Variants in ZFP28 observed in about 807,000 individuals in gnomAD.
ZFP28 encodes the protein ZFP28 zinc finger protein.
A neutral mutation model predicts 39.5 loss-of-function variants in ZFP28; 31 were observed. That is an observed-to-expected ratio of 0.79 (90% confidence interval 0.59 to 1.06). The LOEUF is 1.06. ZFP28 is among the 50% of genes least tolerant of loss of function. The pLI, the probability that ZFP28 is intolerant of heterozygous loss-of-function variation, is 0.00. For synonymous variants in ZFP28, 400 were observed against 378.6 expected, an observed-to-expected ratio of 1.06 and a Z score of -0.66; for missense variants, 925 against 1,048.4, an observed-to-expected ratio of 0.88 and a Z score of 1.63.
chr19:56,540,487 A>C (rs1332793785), intron 2 of ZFP28, among the ~76,000 whole-genome samples: 1 of 152,222 alleles, frequency 6.6e-6, no homozygotes, highest in East Asian at 1.9e-4. Context: ...GCCTCAAAAA[A>C]TATATGTACA....
Position 56,554,104 on chromosome 19 carries a change from G to C in ZFP28, c.1319G>C (p.Arg440Thr). The C allele has an allele frequency of 3.7e-6, 6 of 1,614,198 alleles. No homozygotes were observed. The highest frequency in any genetic ancestry group is 3.4e-6 in the Non-Finnish European group (4 of 1,180,028). ...AGCTCATCTCTTACTGTTCATCAGA[G>C]AATTCACACTGGAGAGAAACCTTAT... ...TQSSSLTVHQ[R>T]IHTGEKPYKC... is the part of the protein sequence containing the mutation. The change falls in exon 8 of 8, where the codon AGA becomes ACA. Residue 440 changes from arginine to threonine, a missense_variant. Coordinates refer to ENST00000301318, the MANE Select transcript of ZFP28 (RefSeq NM_020828.2). This position sits in a 1 kb window ranked among gnomAD's most constrained non-coding sequence, Gnocchi z 6.7.
At position 56,555,268 on chromosome 19, in the gene ZFP28, TAGCTC is replaced by T; in HGVS notation, c.2485_2489del (p.Ala829SerfsTer53). On this transcript the variant is annotated frameshift_variant, in exon 8 of 8. Transcript: ENST00000301318. LOFTEE classifies it low-confidence loss of function (END_TRUNC). ...AAAGTCTTCAGGCAAACTGCTCACT[TAGCTC>T]ATCATCAGCGAATTCATACTGGAGA... 1 of 1,614,180 alleles carries T rather than the reference TAGCTC, an allele frequency of 6.2e-7. No homozygotes were observed. The highest frequency in any genetic ancestry group is 8.5e-7 in the Non-Finnish European group (1 of 1,180,032).
At chr19:56,550,747 G>T in intron 7 of ZFP28, 142 bp downstream of exon 7, 3 of 1,544,366 alleles carry the variant, frequency 1.9e-6, no homozygotes, top group Non-Finnish European at 2.6e-6. Flanking sequence ...AACTCTGGGA[G>T]TTCCAAATAA....
chr19:56,551,007 G>A lies in ZFP28; in HGVS notation c.898+402G>A. 5 of 1,278,808 alleles carry A rather than the reference G, an allele frequency of 3.9e-6. No homozygotes were observed. In the South Asian group the frequency reaches 8.4e-5, roughly 21 times the overall value. 79.2% of individuals were successfully genotyped at this position (1,278,808 alleles called of 1,614,324 possible). A position where few individuals can be genotyped will look rare whatever the true frequency, so the allele number is the denominator to read the frequency against. ...TTATGGGATTGAGCCACTCTGCTGA[G>A]TATTGGCAGGCGATTGGAAAAAGGG... On this transcript the variant is annotated intron_variant, in intron 7 of 7. Transcript: ENST00000301318.
rs1348855544 is a variant in ZFP28, at chr19:56,547,800, T to C, written c.428-7T>C. The stretch of plus-strand genomic sequence containing the variant: ...CAGTATGACCAGGTTGTTTTTTATG[T>C]GTCTAGGACTTTGTGTTTCTAAGCC... On this transcript the variant is annotated splice_polypyrimidine_tract_variant and splice_region_variant and intron_variant, in intron 3 of 7. Transcript: ENST00000301318. The surrounding 1 kb of genome is among the most constrained non-coding windows in gnomAD (Gnocchi z 4.6). 1 of 1,613,872 alleles carries C rather than the reference T, an allele frequency of 6.2e-7. No homozygotes were observed. Among genetic ancestry groups the C allele is most frequent in the Admixed American group, 1.7e-5 (1 of 59,992 alleles).
Position 56,554,871 on chromosome 19 carries a change from A to G in ZFP28, c.2086A>G (p.Thr696Ala), listed in dbSNP as rs772008382. The change falls in exon 8 of 8, where the codon ACT becomes GCT. Residue 696 changes from threonine (T) to alanine (A), a missense_variant. Physicochemically the swap from Thr to Ala is moderately conservative, Grantham distance 58. Transcript: ENST00000301318. This position sits in a 1 kb window ranked among gnomAD's most constrained non-coding sequence, Gnocchi z 6.7. Reference protein sequence around the residue: ...THLIQHQRVHTGEKPYKCMEC... With the variant: ...THLIQHQRVHAGEKPYKCMEC... ...CCTCATTCAACATCAGAGAGTTCACACTGGTGAGAAACCCTATAAATGTAT... is the reference window on the plus strand; with the variant it reads ...CCTCATTCAACATCAGAGAGTTCACGCTGGTGAGAAACCCTATAAATGTAT... The G allele has an allele frequency of 6.2e-7, 1 of 1,614,200 alleles. No individual in the cohort carries two copies.
At chr19:56,551,159 A>T in intron 7 of ZFP28, 1 of 995,854 alleles carries the variant, frequency 1.0e-6, no homozygotes, top group Non-Finnish European at 1.2e-6. Flanking sequence ...GACAAAGGAG[A>T]TGTTGTTCCC....
rs77309174 is a variant in ZFP28 at position 56,554,802 on chromosome 19, T to C, written c.2017T>C (p.Tyr673His). The C allele has an allele frequency of 1.2e-4, 192 of 1,614,068 alleles. 3 individuals are homozygous for C. The South Asian group carries it at 1.7e-3, about 14-fold the overall frequency. Residue 673 changes from tyrosine to histidine, a missense_variant, in exon 8 of 8, where the codon TAT (tyrosine) becomes CAT (histidine). Coordinates refer to ENST00000301318, the MANE Select transcript of ZFP28 (RefSeq NM_020828.2). The surrounding 1 kb of genome is among the most constrained non-coding windows in gnomAD (Gnocchi z 6.7). ...HQKTHTGEKP[Y>H]ECKECGKAFS... ...GAAAACCCATACAGGAGAGAAACCA[T>C]ATGAGTGCAAGGAATGCGGTAAAGC...
chr19:56,545,438 G>A (rs527316306), intron 2 of ZFP28: 1 of 152,316 alleles, frequency 6.6e-6, no homozygotes, highest in Admixed American at 6.5e-5. Context: ...ACCTCAAAGG[G>A]ACTTTTGTTT....
At chr19:56,550,813 C>A in intron 7 of ZFP28, 1 of 1,498,406 alleles carries the variant, frequency 6.7e-7, no homozygotes, top group South Asian at 1.3e-5. Flanking sequence ...CCCTGAAGTT[C>A]CTTCTTTTCT....
Position 56,555,638 on chromosome 19 carries a change from T to C in ZFP28, c.*246T>C, listed in dbSNP as rs1375356327. 3 of 478,236 alleles carry C rather than the reference T, an allele frequency of 6.3e-6. No individual in the cohort carries two copies. Among genetic ancestry groups the C allele is most frequent in the African/African-American group, 4.0e-5 (2 of 49,938 alleles). 29.6% of individuals were successfully genotyped at this position (478,236 alleles called of 1,614,324 possible). A position where few individuals can be genotyped will look rare whatever the true frequency, so the allele number is the denominator to read the frequency against. The stretch of plus-strand genomic sequence containing the variant: ...GTTTTAAAAACTTTGTATTTGAACA[T>C]TGAAAAGTTACAGTAGTCAGCTCTG... On this transcript the variant is annotated 3_prime_UTR_variant, in exon 8 of 8. Transcript: ENST00000301318.
intron 4 of ZFP28, among the ~76,000 whole-genome samples, chr19:56,548,167 T>G (rs148383257): frequency 6.6e-6 from 1 of 152,230 alleles, no homozygotes; most frequent in African/African-American, 2.4e-5. Context: ...TTGGGAATCT[T>G]ACAAGGTTTC....
intron 4 of ZFP28, among the ~76,000 whole-genome samples, chr19:56,548,672 C>T (rs1215242856): frequency 1.3e-5 from 2 of 152,050 alleles, no homozygotes; most frequent in East Asian, 3.9e-4. Context: ...TTGCTTTTTC[C>T]AGTCTTCTGC....
At chr19:56,539,480 GA>G in intron 1 of ZFP28, 144 bp from the exon 2 acceptor site, 3 of 767,950 alleles carry the variant, frequency 3.9e-6, no homozygotes, top group Non-Finnish European at 6.2e-6. Flanking sequence ...TCCCAGGGAG[GA>G]AAAAAACCTA....
rs1264752307 is a variant in ZFP28, at chr19:56,547,500, C to T, written c.301-8C>T. 6.2e-7 allele frequency: 1 copy of T among 1,614,048 alleles called. No individual in the cohort carries two copies. The highest frequency in any genetic ancestry group is 8.5e-7 in the Non-Finnish European group (1 of 1,180,022). On this transcript the variant is annotated splice_region_variant and splice_polypyrimidine_tract_variant and intron_variant, in intron 2 of 7. Transcript: ENST00000301318. The surrounding 1 kb of genome is among the most constrained non-coding windows in gnomAD (Gnocchi z 4.6). ...TGGTTGAGCAAGAACATGGTTATAT[C>T]ATTTCAGGGCTTGGTGACATTTGGG...
chr19:56,551,737 T>G (rs959672474), intron 7 of ZFP28: 2 of 984,142 alleles, frequency 2.0e-6, no homozygotes, highest in Non-Finnish European at 2.4e-6. Context: ...AATTATTCTT[T>G]TTTTATGAAA....
At chr19:56,552,797 ATTAT>A (rs2044316579) in intron 7 of ZFP28, 1 of 152,148 alleles carries the variant, frequency 6.6e-6, no homozygotes, top group African/African-American at 2.4e-5. Flanking sequence ...CTGTAACTTA[ATTAT>A]TTCTCTCTCC....
chr19:56,547,974 C>A lies in ZFP28; in HGVS notation c.523+72C>A. 7.2e-7 allele frequency: 1 copy of A among 1,388,312 alleles called. No individual in the cohort carries two copies. The highest frequency in any genetic ancestry group is 1.4e-5 in the African/African-American group (1 of 70,138). The allele number at this position is 1,388,312 out of a possible 1,614,324, so 86.0% of individuals were successfully genotyped here. The stretch of plus-strand genomic sequence containing the variant: ...TTCAGCTGACTCAGACACGCAACAT[C>A]TTCAGCAGACTCTTCCTAAGCCTCT... On this transcript the variant is annotated intron_variant, in intron 4 of 7. Coordinates refer to ENST00000301318, the MANE Select transcript of ZFP28 (RefSeq NM_020828.2). The surrounding 1 kb of genome is among the most constrained non-coding windows in gnomAD (Gnocchi z 4.6).
At position 56,547,826 on chromosome 19, in the gene ZFP28, C is replaced by T. The variant is rs762488738; in HGVS notation, c.447C>T (p.Pro149=). 26 of 1,613,846 alleles carry T rather than the reference C, an allele frequency of 1.6e-5. No homozygotes were observed. The highest frequency in any genetic ancestry group is 4.5e-5 in the East Asian group (2 of 44,870). ...GTCTAGGACTTTGTGTTTCTAAGCC[C>T]GATGTGATCTCCTCGTTGGAACAAG... ...LASLGLCVSK[P]DVISSLEQGK... The change falls in exon 4 of 8, where the codon CCC becomes CCT. Residue 149 remains proline (P), a synonymous_variant. Coordinates refer to ENST00000301318, the MANE Select transcript of ZFP28 (RefSeq NM_020828.2). The surrounding 1 kb of genome is among the most constrained non-coding windows in gnomAD (Gnocchi z 4.6).
Sources: gnomAD v4.1 joint callset for allele counts (sites outside exome capture counted in the v4.1 genomes callset) on GRCh38, gnomAD v4.1.1 for gene constraint, Gnocchi (gnomAD v3.1) non-coding constraint, MANE v1.5 for transcripts, NCBI Gene and HGNC (gene_info 2026-07-23, HGNC 2026-07-21) for gene names.